Variants in ABR observed in about 807,000 individuals in gnomAD.
ABR encodes ABR activator of RhoGEF and GTPase.
In ABR, 35 loss-of-function variants were observed where a neutral mutation model predicts 107.2. The observed-to-expected ratio is 0.33, with a 90% CI of 0.25 to 0.43. ABR has a LOEUF of 0.43. Among genes scored for constraint, ABR ranks in the 20% least tolerant of loss-of-function variants. The pLI is 1.00. For synonymous variants in ABR, 498 were observed against 462.0 expected, an observed-to-expected ratio of 1.08 and a Z score of -1.00; for missense variants, 815 against 1,115.2, an observed-to-expected ratio of 0.73 and a Z score of 3.83.
Position 1,078,491 on chromosome 17 carries a change from G to A in ABR, c.700+839C>T, listed in dbSNP as rs1158958033. Among the ~76,000 whole-genome samples the A allele has an allele frequency of 1.3e-5, 2 of 152,018 alleles. No individual in the cohort carries two copies. The highest frequency in any genetic ancestry group is 2.9e-5 in the Non-Finnish European group (2 of 67,996). On this transcript the variant is annotated intron_variant, in intron 6 of 22. Coordinates refer to ENST00000302538, the MANE Select transcript of ABR (RefSeq NM_021962.5). This position sits in a 1 kb window ranked among gnomAD's most constrained non-coding sequence, Gnocchi z 7.5. ...CTGGCCTCAGGGCTACTACGTCTGC[G>A]GGCACAGCTCGTCGCCGTCTCTCCC... is the stretch of plus-strand genomic sequence containing the variant.
In ABR at chr17:1,037,085, T is replaced by TTCCA. The variant is rs1304338113; in HGVS notation, c.1791+12961_1791+12964dup. Among the ~76,000 whole-genome samples the TTCCA allele has an allele frequency of 4.1e-4, 52 of 128,284 alleles. No individual in the cohort carries two copies. The highest frequency in any genetic ancestry group is 2.9e-3 in the South Asian group (8 of 2,736). 84.2% of individuals were successfully genotyped at this position (128,284 alleles called of 152,430 possible). On this transcript the variant is annotated intron_variant, in intron 16 of 22. Transcript: ENST00000302538. This position sits in a 1 kb window ranked among gnomAD's most constrained non-coding sequence, Gnocchi z 4.6. ...CATCCATCCACCCACCCACCCATCC[T>TTCCA]TCCATCCATCCATCCATCCATCCAC...
At chr17:1,207,838 C>T (rs12600973) in intron 1 of ABR, among the ~76,000 whole-genome samples, 5,668 of 151,594 alleles carry the variant, frequency 0.037, 248 homozygotes, top group East Asian at 0.25. Context: ...GGTGCGATCT[C>T]GGCTCACTGC....
chr17:1,073,285 G>A (rs1597680736), intron 7 of ABR, among the ~76,000 whole-genome samples: 1 of 151,838 alleles, frequency 6.6e-6, no homozygotes, highest in East Asian at 1.9e-4. Flanking sequence ...CCAGTGTGGA[G>A]ACCAGGTGGA....
intron 1 of ABR, among the ~76,000 whole-genome samples, chr17:1,170,322 G>A (rs1327512549): frequency 1.3e-5 from 2 of 152,182 alleles, no homozygotes; most frequent in Non-Finnish European, 2.9e-5. Flanking sequence ...CACCAGCACC[G>A]CTGTGAAGGG....
chr17:1,011,197 C>G lies in ABR; in HGVS notation c.2102-334G>C. On this transcript the variant is annotated intron_variant, in intron 19 of 22. Coordinates refer to ENST00000302538, the MANE Select transcript of ABR (RefSeq NM_021962.5). The surrounding 1 kb of genome is among the most constrained non-coding windows in gnomAD (Gnocchi z 4.8). ...GGAACCTCTCCATCGCTAAGCCCCT[C>G]TCTGGAAGGCATTGCACACTTTTCA... 1 of 325,034 alleles carries G rather than the reference C, an allele frequency of 3.1e-6. No individual in the cohort carries two copies. The highest frequency in any genetic ancestry group is 5.9e-6 in the Non-Finnish European group (1 of 170,090). The allele number at this position is 325,034 out of a possible 1,614,324, so 20.1% of individuals were successfully genotyped here. A position where few individuals can be genotyped will look rare whatever the true frequency, so the allele number is the denominator to read the frequency against.
At chr17:1,042,682 GATAA>G (rs2030834600) in intron 16 of ABR, among the ~76,000 whole-genome samples, 1 of 151,200 alleles carries the variant, frequency 6.6e-6, no homozygotes, top group Non-Finnish European at 1.5e-5. Context: ...CAGATGGATG[GATAA>G]ATAGACGTGG....
chr17:1,127,145 G>A (rs970057373), intron 1 of ABR, among the ~76,000 whole-genome samples: 15 of 152,198 alleles, frequency 9.9e-5, no homozygotes, highest in African/African-American at 3.6e-4. Context: ...CCTCGTCCCT[G>A]AGCCAATGCC....
chr17:1,079,187 T>G, intron 6 of ABR, 143 bp downstream of exon 6: 1 of 1,473,792 alleles, frequency 6.8e-7, no homozygotes, highest in Non-Finnish European at 9.0e-7. Flanking sequence ...CAGCTCACAC[T>G]CACACGCGCT....
At chr17:1,020,379 G>T (rs1048174308) in intron 16 of ABR, among the ~76,000 whole-genome samples, 1 of 150,334 alleles carries the variant, frequency 6.7e-6, no homozygotes, top group African/African-American at 2.5e-5. Context: ...CCCTGCATCC[G>T]GCCGACTGTT....
intron 1 of ABR, among the ~76,000 whole-genome samples, chr17:1,176,780 G>C (rs188661045): frequency 1.3e-5 from 2 of 151,982 alleles, no homozygotes; most frequent in South Asian, 4.1e-4. Context: ...CCAGGAGGTG[G>C]AGGTTGCAGT....
intron 16 of ABR, among the ~76,000 whole-genome samples, chr17:1,025,972 T>A (rs1176760299): frequency 6.6e-6 from 1 of 151,980 alleles, no homozygotes; most frequent in East Asian, 1.9e-4. Context: ...AGGACAGGGC[T>A]CAAGAAGCCC....
At chr17:1,196,561 ACT>A (rs960526362) in intron 1 of ABR, among the ~76,000 whole-genome samples, 6 of 147,650 alleles carry the variant, frequency 4.1e-5, no homozygotes, top group African/African-American at 1.5e-4. Flanking sequence ...AATGTTGATG[ACT>A]CTGTTGCCCT....
rs759983510 is a variant in ABR, at chr17:1,012,566, G to A, written c.1961+122C>T. 912 of 763,300 alleles carry A rather than the reference G, an allele frequency of 1.2e-3. 1 individual carries two copies. Among genetic ancestry groups the A allele is most frequent in the Non-Finnish European group, 1.3e-3 (583 of 439,122 alleles). 47.3% of individuals were successfully genotyped at this position (763,300 alleles called of 1,614,324 possible). A position where few individuals can be genotyped will look rare whatever the true frequency, so the allele number is the denominator to read the frequency against. On this transcript the variant is annotated intron_variant, in intron 18 of 22. Coordinates refer to ENST00000302538, the MANE Select transcript of ABR (RefSeq NM_021962.5). ...AGATCCACACCGGCCATCTGCCACC[G>A]CCGAGCGGGGGGTAACTGATTAGGT...
chr17:1,009,617 C>T, intron 21 of ABR, 62 bp downstream of exon 21: 1 of 1,501,378 alleles, frequency 6.7e-7, no homozygotes, highest in Non-Finnish European at 9.3e-7. Flanking sequence ...GTTGGGGCCC[C>T]TCCCCGTTAC....
At chr17:1,146,296 C>CACACACACACAT (rs3219520) in intron 1 of ABR, among the ~76,000 whole-genome samples, 30 of 146,688 alleles carry the variant, frequency 2.0e-4, no homozygotes, top group African/African-American at 7.5e-4. Context: ...CACACACACA[C>CACACACACACAT]ATCACATCCT....
chr17:1,184,178 G>A (rs1302279176), upstream of ABR, among the ~76,000 whole-genome samples: 1 of 145,004 alleles, frequency 6.9e-6, no homozygotes, highest in Non-Finnish European at 1.5e-5. Flanking sequence ...AGCCAGAGCC[G>A]GGCACAGTTG....
chr17:1,087,461 G>C (rs953031240), intron 4 of ABR, among the ~76,000 whole-genome samples: 1 of 152,044 alleles, frequency 6.6e-6, no homozygotes, highest in Admixed American at 6.6e-5. Flanking sequence ...GACGCCCGGC[G>C]TGACGCCAAG....
intron 4 of ABR, among the ~76,000 whole-genome samples, chr17:1,089,870 G>C (rs2036902406): frequency 6.6e-6 from 1 of 152,240 alleles, no homozygotes. Context: ...TGAGGCAGGA[G>C]AATCACTTGA....
At chr17:1,188,944 G>A (rs1478267559), upstream of ABR, among the ~76,000 whole-genome samples, 1 of 152,172 alleles carries the variant, frequency 6.6e-6, no homozygotes, top group East Asian at 1.9e-4. Context: ...GCTGCACCCA[G>A]GACATGCAAA....
Sources: allele counts gnomAD v4.1 joint callset (sites outside exome capture counted in the v4.1 genomes callset), GRCh38; gene constraint gnomAD v4.1.1; non-coding constraint Gnocchi (gnomAD v3.1); transcripts MANE v1.5; gene names NCBI Gene and HGNC (gene_info 2026-07-23, HGNC 2026-07-21).